The following ALMS1 variants were observed in gnomAD, a reference collection of about 807,000 sequenced individuals.
The protein encoded by ALMS1 is ALMS1 centrosome and basal body associated protein.
ALMS1 carries 271 observed loss-of-function variants against 352.2 expected under a neutral mutation model. That is an observed-to-expected ratio of 0.77 (90% confidence interval 0.70 to 0.85). The LOEUF (loss-of-function observed/expected upper bound fraction) is 0.85, where lower values mean the gene tolerates loss of function less well. ALMS1 is among the 40% of genes least tolerant of loss of function. The pLI, the probability that ALMS1 is intolerant of heterozygous loss-of-function variation, is 0.00. For missense variants in ALMS1, 5,445 were observed against 4,870.7 expected (o/e 1.12, Z -3.51); for synonymous variants, 1,865 against 1,761.2 (o/e 1.06, Z -1.48).
chr2:73,533,713 T>C (rs1673968748), intron 11 of ALMS1, among the ~76,000 whole-genome samples: 1 of 152,046 alleles, frequency 6.6e-6, no homozygotes, highest in Non-Finnish European at 1.5e-5. Flanking sequence ...AACTAGTATA[T>C]AGAAAAAAAA....
chr2:73,455,805 T>C (rs1672048084), intron 9 of ALMS1, among the ~76,000 whole-genome samples: 1 of 152,214 alleles, frequency 6.6e-6, no homozygotes, highest in Non-Finnish European at 1.5e-5. Context: ...AAATTTATCT[T>C]CTTAGAAAAA....
intron 1 of ALMS1, among the ~76,000 whole-genome samples, chr2:73,404,084 G>A (rs11899740): frequency 0.26 from 38,911 of 151,976 alleles, 5,506 homozygotes; most frequent in African/African-American, 0.38. Context: ...TTTTAGCAGA[G>A]ATGGGGTTTC....
chr2:73,535,676 G>A (rs1049069694), intron 12 of ALMS1, among the ~76,000 whole-genome samples: 2 of 152,118 alleles, frequency 1.3e-5, no homozygotes, highest in Non-Finnish European at 2.9e-5. Flanking sequence ...CAGAGGAGGT[G>A]CAGAGTTAGG....
At chr2:73,609,495 G>T in intron 22 of ALMS1, 73 bp from the exon 23 acceptor site, 1 of 1,362,214 alleles carries the variant, frequency 7.3e-7, no homozygotes, top group Non-Finnish European at 1.1e-6. Context: ...TGACATGGAT[G>T]CAGGGAGGAG....
intron 16 of ALMS1, chr2:73,573,715 T>C: frequency 6.7e-6 from 4 of 593,540 alleles, no homozygotes; most frequent in Non-Finnish European, 1.2e-5. Context: ...TAGAATGATC[T>C]CTATCCTGAA....
rs771753266 is a variant in ALMS1 at position 73,451,215 on chromosome 2, T to C, written c.4688T>C (p.Ile1563Thr). ...GGACCAGCTGACCAGACAACTGGCA[T>C]ACCAACCATAACCTCTACTTCCTAC... ...APGPADQTTG[I>T]PTITSTSYSF... The change falls in exon 8 of 23, where the codon ATA becomes ACA. Residue 1563 changes from isoleucine to threonine, a missense_variant. Ile to Thr is a moderately conservative substitution (Grantham distance 89). Transcript: ENST00000613296. 4 of 1,609,510 alleles carry C rather than the reference T, an allele frequency of 2.5e-6. No individual in the cohort carries two copies. Among genetic ancestry groups the C allele is most frequent in the South Asian group, 1.1e-5 (1 of 90,822 alleles).
At chr2:73,464,689 A>G (rs1029303836) in intron 9 of ALMS1, among the ~76,000 whole-genome samples, 3 of 152,188 alleles carry the variant, frequency 2.0e-5, no homozygotes, top group African/African-American at 7.2e-5. Context: ...TTGTATATCT[A>G]GAAAACCCCG....
At position 73,449,863 on chromosome 2, in the gene ALMS1, A is replaced by G. The variant is rs774634872; in HGVS notation, c.3336A>G (p.Pro1112=). The G allele has an allele frequency of 1.2e-6, 2 of 1,613,988 alleles. No homozygotes were observed. Among genetic ancestry groups the G allele is most frequent in the African/African-American group, 2.7e-5 (2 of 74,918 alleles). Reference sequence around the variant, plus strand: ...GTATTTTCTACCAACAGACCTTGCCAGAGAGTCATCTGCCTAAAGAGGCTC... The same window carrying G: ...GTATTTTCTACCAACAGACCTTGCCGGAGAGTCATCTGCCTAAAGAGGCTC... ...KPGIFYQQTL[P]ESHLPKEALK... is the part of the protein sequence containing the mutation. The change falls in exon 8 of 23, where the codon CCA becomes CCG. Residue 1112 remains proline, a synonymous_variant. Transcript: ENST00000613296.
chr2:73,503,310 C>T (rs1480568989), intron 10 of ALMS1, among the ~76,000 whole-genome samples: 2 of 151,876 alleles, frequency 1.3e-5, no homozygotes, highest in Non-Finnish European at 2.9e-5. Flanking sequence ...CATGTGTTCT[C>T]ATTGTTCAAT....
intron 6 of ALMS1, among the ~76,000 whole-genome samples, chr2:73,430,159 C>G (rs1221383806): frequency 6.6e-6 from 1 of 151,342 alleles, no homozygotes; most frequent in Non-Finnish European, 1.5e-5. Context: ...TCACTGCAAG[C>G]TCCGCCTCCC....
chr2:73,437,734 C>T (rs748260622), intron 7 of ALMS1, among the ~76,000 whole-genome samples: 5 of 152,114 alleles, frequency 3.3e-5, no homozygotes, highest in Non-Finnish European at 7.4e-5. Context: ...TAATATTATG[C>T]ACAGTCTTGA....
rs75872328 is a variant in ALMS1 at position 73,598,383 on chromosome 2, G to A, written c.11548-1018G>A. ...CAGTTCCTTGCAAATTATCTGATTC[G>A]TGATGCATCCTAAATTTTACATGTC... is the stretch of plus-strand genomic sequence containing the variant. On this transcript the variant is annotated intron_variant, in intron 16 of 22. Transcript: ENST00000613296. Among the ~76,000 whole-genome samples, 763 of 152,088 alleles carry A rather than the reference G, an allele frequency of 5.0e-3. 8 individuals carry two copies. The highest frequency in any genetic ancestry group is 0.018 in the African/African-American group (735 of 41,454).
At position 73,490,304 on chromosome 2, in the gene ALMS1, A is replaced by T; in HGVS notation, c.8345A>T (p.Asp2782Val). ...SSFKMHSNSQDKEVTILAEGR... is the reference protein window; with the variant it reads ...SSFKMHSNSQVKEVTILAEGR... ...TTTAAAATGCATAGTAATTCACAAGATAAAGAAGTGACTATTTTAGCAGAA... is the reference window on the plus strand; with the variant it reads ...TTTAAAATGCATAGTAATTCACAAGTTAAAGAAGTGACTATTTTAGCAGAA... Residue 2782 changes from aspartate to valine, a missense_variant, in exon 10 of 23, where the codon GAT (aspartate) becomes GTT (valine). Transcript: ENST00000613296. 6.2e-7 allele frequency: 1 copy of T among 1,612,476 alleles called. No individual in the cohort carries two copies. Among genetic ancestry groups the T allele is most frequent in the Non-Finnish European group, 8.5e-7 (1 of 1,179,338 alleles).
chr2:73,388,723 G>C (rs925899648), intron 1 of ALMS1, among the ~76,000 whole-genome samples: 1 of 152,104 alleles, frequency 6.6e-6, no homozygotes, highest in African/African-American at 2.4e-5. Flanking sequence ...CCATTCAGTT[G>C]TTGATGGACA....
intron 7 of ALMS1, 112 bp downstream of exon 7, chr2:73,432,403 C>T (rs1246796985): frequency 8.3e-6 from 6 of 724,616 alleles, no homozygotes; most frequent in Non-Finnish European, 1.2e-5. Context: ...AATTATACTT[C>T]AGATTAGATG....
Position 73,435,722 on chromosome 2 carries a change from G to T in ALMS1, c.1432+3431G>T, listed in dbSNP as rs181485173. Among the ~76,000 whole-genome samples the T allele has an allele frequency of 4.6e-5, 7 of 151,754 alleles. No individual in the cohort carries two copies. In the East Asian group the frequency reaches 1.4e-3, roughly 29 times the overall value. On this transcript the variant is annotated intron_variant, in intron 7 of 22. Transcript: ENST00000613296. Reference sequence around the variant, plus strand: ...TCCTCCTGCCTCAGCCTCCTCTGTTGTGAGGCCCACAGGTGTGTACCACTA... The same window carrying T: ...TCCTCCTGCCTCAGCCTCCTCTGTTTTGAGGCCCACAGGTGTGTACCACTA...
At chr2:73,385,759 G>C, upstream of ALMS1, 1 of 563,224 alleles carries the variant, frequency 1.8e-6, no homozygotes, top group East Asian at 3.2e-5. Context: ...GCCCCGCCCA[G>C]GCGGGCGGCA....
intron 20 of ALMS1, among the ~76,000 whole-genome samples, chr2:73,602,879 A>T (rs1024441366): frequency 2.2e-4 from 34 of 152,206 alleles, no homozygotes; most frequent in Non-Finnish European, 4.7e-4. Flanking sequence ...CTAAGATTTG[A>T]ACCCAGGTGT....
intron 9 of ALMS1, among the ~76,000 whole-genome samples, chr2:73,484,730 T>G (rs868525503): frequency 1.1e-3 from 172 of 151,918 alleles, no homozygotes; most frequent in Non-Finnish European, 1.2e-3. Context: ...CGTAGATTTG[T>G]TCTTTTCACA....
Sources: gnomAD v4.1 joint callset for allele counts (sites outside exome capture counted in the v4.1 genomes callset) on GRCh38, gnomAD v4.1.1 for gene constraint, MANE v1.5 for transcripts, NCBI Gene and HGNC (gene_info 2026-07-23, HGNC 2026-07-21) for gene names.